The following UST variants were observed in gnomAD, a reference collection of about 807,000 sequenced individuals.
UST encodes chondroitin sulfate 2-O-sulfotransferase.
UST carries 21 observed loss-of-function variants against 45.6 expected under a neutral mutation model. The ratio of observed to expected loss-of-function variants is 0.46; its 90% CI spans 0.33 to 0.66. The LOEUF is 0.66. Among genes scored for constraint, UST ranks in the 30% least tolerant of loss-of-function variants. The probability of loss-of-function intolerance (pLI) is 0.02; values close to 1 mark genes in which losing one functional copy is unlikely to be tolerated. For missense variants in UST, 463 were observed against 512.4 expected, an observed-to-expected ratio of 0.90 and a Z score of 0.93; for synonymous variants, 215 against 200.6, an observed-to-expected ratio of 1.07 and a Z score of -0.61.
intron 7 of UST, among the ~76,000 whole-genome samples, chr6:149,056,748 T>G (rs1776571912): frequency 6.6e-6 from 1 of 152,218 alleles, no homozygotes; most frequent in Admixed American, 6.5e-5. Flanking sequence ...TAAAGTACAT[T>G]TAATTTTAAA....
intron 2 of UST, among the ~76,000 whole-genome samples, chr6:148,925,224 G>T (rs1250578886): frequency 6.6e-6 from 1 of 152,112 alleles, no homozygotes; most frequent in Non-Finnish European, 1.5e-5. Flanking sequence ...GTCCAGAAGA[G>T]CCCACCGATT....
At chr6:149,044,094 A>G (rs1776364476) in intron 7 of UST, among the ~76,000 whole-genome samples, 1 of 152,234 alleles carries the variant, frequency 6.6e-6, no homozygotes, top group South Asian at 2.1e-4. Flanking sequence ...CACTTTTAAG[A>G]TGTTTTTCCA....
At chr6:148,768,303 C>A (rs757693511) in intron 1 of UST, among the ~76,000 whole-genome samples, 1 of 152,066 alleles carries the variant, frequency 6.6e-6, no homozygotes, top group Non-Finnish European at 1.5e-5. Flanking sequence ...TTTTAAATTT[C>A]TTTTGCAATT....
intron 3 of UST, among the ~76,000 whole-genome samples, chr6:148,945,096 C>G (rs985750147): frequency 6.6e-6 from 1 of 152,172 alleles, no homozygotes; most frequent in Non-Finnish European, 1.5e-5. Context: ...TGAGAAGGCA[C>G]ATAATTTTAC....
In UST at chr6:148,978,030, T is replaced by C. The variant is rs181309017; in HGVS notation, c.681+13467T>C. Among the ~76,000 whole-genome samples the C allele has an allele frequency of 2.0e-5, 3 of 152,320 alleles. No individual in the cohort carries two copies. In the East Asian group the frequency reaches 5.8e-4, roughly 29 times the overall value. ...GTTGATTTCTAGATATTTGGTTTGTTGTTGTTGTAATTTTACATATTATTA... is the reference window on the plus strand; with the variant it reads ...GTTGATTTCTAGATATTTGGTTTGTCGTTGTTGTAATTTTACATATTATTA... On this transcript the variant is annotated intron_variant, in intron 5 of 7. Transcript: ENST00000367463.
rs184106564 is a variant in UST at position 148,755,396 on chromosome 6, A to G, written c.247+7719A>G. The stretch of plus-strand genomic sequence containing the variant: ...ATTTTAGTAGGTTTCAAAAATATAT[A>G]TAATCAAAATAAGAAGCTCTAAAAT... On this transcript the variant is annotated intron_variant, in intron 1 of 7. Coordinates refer to ENST00000367463, the MANE Select transcript of UST (RefSeq NM_005715.3). 2.2e-3 allele frequency among the ~76,000 whole-genome samples: 335 copies of G among 152,366 alleles called. 2 individuals are homozygous for G. Among genetic ancestry groups the G allele is most frequent in the African/African-American group, 7.7e-3 (319 of 41,584 alleles).
chr6:148,970,003 C>A (rs923406738), intron 5 of UST, among the ~76,000 whole-genome samples: 1 of 152,204 alleles, frequency 6.6e-6, no homozygotes, highest in Non-Finnish European at 1.5e-5. Context: ...CACGCCAGAG[C>A]CGAATGCTCC....
Position 148,994,251 on chromosome 6 carries a change from T to C in UST, c.682-24888T>C, listed in dbSNP as rs190845557. Among the ~76,000 whole-genome samples the C allele has an allele frequency of 1.8e-3, 279 of 152,146 alleles. 1 individual carries two copies. The highest frequency in any genetic ancestry group is 6.4e-3 in the African/African-American group (265 of 41,520). On this transcript the variant is annotated intron_variant, in intron 5 of 7. Transcript: ENST00000367463. The stretch of plus-strand genomic sequence containing the variant: ...CCTCCCAAAATGCTGGGATTACAGG[T>C]GTGAGCCACTGTGCCTGGCCTCAGA...
chr6:148,928,712 A>G (rs1305444089), intron 2 of UST, among the ~76,000 whole-genome samples: 1 of 152,242 alleles, frequency 6.6e-6, no homozygotes, highest in African/African-American at 2.4e-5. Flanking sequence ...TCAATTATGA[A>G]AAAGGTATAC....
intron 1 of UST, among the ~76,000 whole-genome samples, chr6:148,792,338 G>A (rs1047199183): frequency 4.6e-5 from 7 of 152,206 alleles, no homozygotes; most frequent in Non-Finnish European, 8.8e-5. Context: ...ATTCAGAGCT[G>A]ACCCCGGGCT....
At chr6:148,944,643 A>G (rs1003331737) in intron 3 of UST, among the ~76,000 whole-genome samples, 3 of 152,218 alleles carry the variant, frequency 2.0e-5, no homozygotes, top group East Asian at 1.9e-4. Context: ...TAGAATGCCT[A>G]TAAAAATCCC....
chr6:148,927,388 T>C (rs936043513), intron 2 of UST, among the ~76,000 whole-genome samples: 7 of 152,176 alleles, frequency 4.6e-5, no homozygotes, highest in Non-Finnish European at 8.8e-5. Flanking sequence ...TTGGATTTTC[T>C]GGTAGCCAAG....
At chr6:149,069,737 C>A (rs1776790703) in intron 7 of UST, among the ~76,000 whole-genome samples, 1 of 152,146 alleles carries the variant, frequency 6.6e-6, no homozygotes, top group African/African-American at 2.4e-5. Flanking sequence ...AATGTATAAA[C>A]CCATTATGCT....
intron 1 of UST, among the ~76,000 whole-genome samples, chr6:148,826,293 A>G (rs1777566594): frequency 1.3e-5 from 2 of 152,078 alleles, no homozygotes; most frequent in South Asian, 4.1e-4. Context: ...TTGTACTTTT[A>G]GTAGAGATGG....
intron 2 of UST, among the ~76,000 whole-genome samples, chr6:148,899,649 G>A (rs917972363): frequency 6.6e-6 from 1 of 152,186 alleles, no homozygotes; most frequent in Non-Finnish European, 1.5e-5. Flanking sequence ...ATCAGTCCTT[G>A]TATGTTTAAT....
intron 1 of UST, among the ~76,000 whole-genome samples, chr6:148,766,617 G>A (rs1385772424): frequency 6.6e-6 from 1 of 152,190 alleles, no homozygotes; most frequent in Admixed American, 6.5e-5. Flanking sequence ...GGTAGTAGAG[G>A]CAGTGATTGG....
chr6:149,028,019 T>A (rs1448000022), intron 7 of UST, among the ~76,000 whole-genome samples: 1 of 152,084 alleles, frequency 6.6e-6, no homozygotes, highest in East Asian at 1.9e-4. Context: ...AATTTTTGTA[T>A]TTTTGGTAGA....
At chr6:148,895,963 G>A (rs919636592) in intron 2 of UST, among the ~76,000 whole-genome samples, 2 of 152,186 alleles carry the variant, frequency 1.3e-5, no homozygotes, top group African/African-American at 2.4e-5. Context: ...GACAGAAAGA[G>A]GTTCCATGTT....
chr6:148,760,954 A>G (rs571490655), intron 1 of UST, among the ~76,000 whole-genome samples: 1 of 152,300 alleles, frequency 6.6e-6, no homozygotes, highest in Admixed American at 6.5e-5. Flanking sequence ...CTCTGTCTAC[A>G]TGGCCCGTAA....
Sources: gnomAD v4.1 joint callset for allele counts (sites outside exome capture counted in the v4.1 genomes callset) on GRCh38, gnomAD v4.1.1 for gene constraint, MANE v1.5 for transcripts, NCBI Gene and HGNC (gene_info 2026-07-23, HGNC 2026-07-21) for gene names.